Variants in CAMK2D observed in about 807,000 individuals in gnomAD.
CAMK2D encodes the protein calcium/calmodulin-dependent protein kinase type II subunit delta.
CAMK2D carries 37 observed loss-of-function variants against 84.0 expected under a neutral mutation model. That is an observed-to-expected ratio of 0.44 (90% CI 0.34 to 0.58). The LOEUF (loss-of-function observed/expected upper bound fraction) is 0.58, where lower values mean the gene tolerates loss of function less well. Among genes scored for constraint, CAMK2D ranks in the 20% least tolerant of loss-of-function variants. CAMK2D has a pLI of 0.02. For synonymous variants in CAMK2D, 202 were observed against 212.5 expected (o/e 0.95, Z 0.43); for missense variants, 448 against 652.5 (o/e 0.69, Z 3.41).
chr4:113,754,861 T>A, intron 2 of CAMK2D: 3 of 984,240 alleles, frequency 3.0e-6, no homozygotes, highest in Non-Finnish European at 3.6e-6. Context: ...GGTCCATAAC[T>A]GAAGAGTTGT....
At chr4:113,715,156 A>G (rs898536613) in intron 2 of CAMK2D, among the ~76,000 whole-genome samples, 5 of 152,008 alleles carry the variant, frequency 3.3e-5, no homozygotes, top group South Asian at 4.1e-4. Context: ...TCGTAACTGT[A>G]TGGTTAGGTG....
chr4:113,744,976 C>T (rs927428035), intron 2 of CAMK2D, among the ~76,000 whole-genome samples: 5 of 152,160 alleles, frequency 3.3e-5, no homozygotes, highest in Non-Finnish European at 7.3e-5. Context: ...ACTAGTTACA[C>T]GAAAACTAAT....
At chr4:113,731,987 T>C (rs1222933618) in intron 2 of CAMK2D, among the ~76,000 whole-genome samples, 9 of 152,062 alleles carry the variant, frequency 5.9e-5, no homozygotes, top group African/African-American at 2.2e-4. Context: ...AGGAACCAGA[T>C]CTAGTTCTAT....
At chr4:113,676,111 C>G (rs1373674328) in intron 2 of CAMK2D, among the ~76,000 whole-genome samples, 2 of 152,276 alleles carry the variant, frequency 1.3e-5, no homozygotes, top group East Asian at 3.9e-4. Context: ...CTTTCCCCAC[C>G]ACCATTCAAC....
In CAMK2D at chr4:113,761,187, T is replaced by G; in HGVS notation, c.-119A>C. 6.8e-7 allele frequency: 1 copy of G among 1,465,224 alleles called. No homozygotes were observed. Among genetic ancestry groups the G allele is most frequent in the Non-Finnish European group, 9.1e-7 (1 of 1,096,796 alleles). 90.8% of individuals were successfully genotyped at this position (1,465,224 alleles called of 1,614,324 possible). On this transcript the variant is annotated 5_prime_UTR_variant, in exon 1 of 21. Coordinates refer to ENST00000511664, the MANE Select transcript of CAMK2D (RefSeq NM_001321571.2). ...CCCAGGGCCGCTCTTACTTTCCTGG[T>G]CCGAAAGTAGCTCGCCCGCGAGGGA...
intron 3 of CAMK2D, among the ~76,000 whole-genome samples, chr4:113,659,995 G>A (rs1274954575): frequency 6.6e-6 from 1 of 152,044 alleles, no homozygotes. Flanking sequence ...ACCCTAAGAT[G>A]CACCCACTAA....
In CAMK2D at chr4:113,676,647, G is replaced by A. The variant is rs2099319404; in HGVS notation, c.161-14875C>T. Among the ~76,000 whole-genome samples, 4 of 152,206 alleles carry A rather than the reference G, an allele frequency of 2.6e-5. No individual in the cohort carries two copies. The South Asian group carries it at 8.3e-4, about 32-fold the overall frequency. On this transcript the variant is annotated intron_variant, in intron 2 of 20. Transcript: ENST00000511664. ...AAAACAGCAGGTACAAGATCATTCT[G>A]GCCTCCTTTCTGTTTCTTAAAAGCA... is the stretch of plus-strand genomic sequence containing the variant.
rs138679439 is a variant in CAMK2D at position 113,595,886 on chromosome 4, G to A, written c.275+13266C>T. ...GTGGCTGCTGAAAGCTAGGGTGGCT[G>A]TCGTAGGTTCTTAAAATAAGGCAAC... On this transcript the variant is annotated intron_variant, in intron 4 of 20. Transcript: ENST00000511664. Among the ~76,000 whole-genome samples, 15 of 152,308 alleles carry A rather than the reference G, an allele frequency of 9.8e-5. No homozygotes were observed. The East Asian group carries it at 2.9e-3, about 29-fold the overall frequency.
intron 5 of CAMK2D, among the ~76,000 whole-genome samples, chr4:113,551,644 T>A (rs1032243717): frequency 2.0e-5 from 3 of 152,218 alleles, no homozygotes; most frequent in Non-Finnish European, 2.9e-5. Context: ...AATTTTTAAT[T>A]TAATTTAATT....
chr4:113,460,451 A>G (rs1398332241), intron 17 of CAMK2D, among the ~76,000 whole-genome samples: 1 of 152,054 alleles, frequency 6.6e-6, no homozygotes, highest in Non-Finnish European at 1.5e-5. Flanking sequence ...ATAGGAACAA[A>G]CTAATTTATC....
chr4:113,632,405 T>G (rs1235206213), intron 3 of CAMK2D, among the ~76,000 whole-genome samples: 4 of 152,084 alleles, frequency 2.6e-5, no homozygotes, highest in Non-Finnish European at 4.4e-5. Flanking sequence ...GTAATTTTAG[T>G]AGAAACAGGG....
chr4:113,549,817 T>C (rs943161761), intron 5 of CAMK2D, among the ~76,000 whole-genome samples: 3 of 152,216 alleles, frequency 2.0e-5, no homozygotes, highest in Admixed American at 6.5e-5. Context: ...TTTATTACAA[T>C]GTAAATATTT....
intron 2 of CAMK2D, among the ~76,000 whole-genome samples, chr4:113,728,943 T>C (rs1224306309): frequency 6.6e-6 from 1 of 152,160 alleles, no homozygotes; most frequent in African/African-American, 2.4e-5. Context: ...TAAGTACACA[T>C]GCAATTCTCT....
chr4:113,542,070 G>A (rs2098533781), intron 6 of CAMK2D, among the ~76,000 whole-genome samples: 1 of 152,236 alleles, frequency 6.6e-6, no homozygotes, highest in South Asian at 2.1e-4. Flanking sequence ...GAATCCTTCT[G>A]TATTCCATTC....
chr4:113,517,494 G>C, intron 9 of CAMK2D, 69 bp downstream of exon 9: 1 of 668,536 alleles, frequency 1.5e-6, no homozygotes, highest in Non-Finnish European at 2.6e-6. Context: ...AAAATGAAAA[G>C]ATCTGGCTCT....
intron 4 of CAMK2D, among the ~76,000 whole-genome samples, chr4:113,583,934 C>T (rs905648182): frequency 7.2e-5 from 11 of 152,204 alleles, no homozygotes; most frequent in Admixed American, 6.5e-4. Flanking sequence ...CCACCATGTA[C>T]TGCAGCCTTT....
intron 6 of CAMK2D, among the ~76,000 whole-genome samples, chr4:113,540,167 T>C (rs1381665671): frequency 6.6e-6 from 1 of 152,170 alleles, no homozygotes; most frequent in African/African-American, 2.4e-5. Flanking sequence ...TTTCCTGAAT[T>C]ACTACCACTC....
chr4:113,628,684 T>C (rs1436333643), intron 3 of CAMK2D, among the ~76,000 whole-genome samples: 1 of 152,130 alleles, frequency 6.6e-6, no homozygotes, highest in Non-Finnish European at 1.5e-5. Context: ...TAAAAGAAAG[T>C]CTTGTATTAT....
intron 19 of CAMK2D, chr4:113,456,487 T>C (rs1230725050): frequency 2.1e-5 from 3 of 142,974 alleles, no homozygotes; most frequent in Non-Finnish European, 3.0e-5. Context: ...GTACTTTTCT[T>C]CATGATGCTC....
Sources: gnomAD v4.1 joint callset for allele counts (sites outside exome capture counted in the v4.1 genomes callset) on GRCh38, gnomAD v4.1.1 for gene constraint, MANE v1.5 for transcripts, NCBI Gene and HGNC (gene_info 2026-07-23, HGNC 2026-07-21) for gene names.